The following SPMIP7 variants were observed in gnomAD, a reference collection of about 807,000 sequenced individuals.
SPMIP7 encodes protein SPMIP7.
the SPMIP7 span, among the ~76,000 whole-genome samples, chr7:50,155,890 C>T: frequency 9.9e-4 from 2 of 2,020 alleles, no homozygotes; most frequent in African/African-American, 2.2e-3. Context: ...TGGGACCCAT[C>T]GCCCTCTGAG....
the SPMIP7 span, among the ~76,000 whole-genome samples, chr7:50,106,909 T>A: frequency 6.6e-6 from 1 of 152,218 alleles, no homozygotes; most frequent in East Asian, 1.9e-4. Flanking sequence ...GAGACCAGTC[T>A]GGCCAACATA....
chr7:50,100,909 G>A, the SPMIP7 span, among the ~76,000 whole-genome samples: 1 of 151,754 alleles, frequency 6.6e-6, no homozygotes. Flanking sequence ...TTTCTTATCT[G>A]ATCCTTTGTT....
At chr7:50,127,694 A>T in the SPMIP7 span, among the ~76,000 whole-genome samples, 3 of 151,228 alleles carry the variant, frequency 2.0e-5, no homozygotes, top group Non-Finnish European at 4.4e-5. Context: ...ACATAAAAAT[A>T]GTCAACAGGT....
chr7:50,113,812 C>A, the SPMIP7 span, among the ~76,000 whole-genome samples: 1 of 151,552 alleles, frequency 6.6e-6, no homozygotes, highest in African/African-American at 2.4e-5. Flanking sequence ...TCTGAAGACA[C>A]AAGATGTTCA....
chr7:50,159,190 C>G, the SPMIP7 span: 2 of 1,547,220 alleles, frequency 1.3e-6, no homozygotes, highest in Non-Finnish European at 1.7e-6. Flanking sequence ...CCTGCGCGGG[C>G]TGTCCAGGCC....
the SPMIP7 span, among the ~76,000 whole-genome samples, chr7:50,144,427 C>A: frequency 6.6e-6 from 1 of 152,112 alleles, no homozygotes. Flanking sequence ...TTGAAATATG[C>A]ACTAGATATT....
chr7:50,141,450 C>G, the SPMIP7 span: 1 of 1,030,012 alleles, frequency 9.7e-7, no homozygotes, highest in African/African-American at 1.6e-5. Flanking sequence ...TGATGATGGA[C>G]TTTACCATAA....
At chr7:50,122,253 A>G in the SPMIP7 span, among the ~76,000 whole-genome samples, 1 of 152,146 alleles carries the variant, frequency 6.6e-6, no homozygotes, top group Non-Finnish European at 1.5e-5. Context: ...GCCCTCAGAA[A>G]TAACGCCGCA....
At chr7:50,135,022 G>C in the SPMIP7 span, among the ~76,000 whole-genome samples, 1 of 152,102 alleles carries the variant, frequency 6.6e-6, no homozygotes, top group African/African-American at 2.4e-5. Context: ...TCACCCCACA[G>C]TGTACTCTGT....
the SPMIP7 span, among the ~76,000 whole-genome samples, chr7:50,104,787 C>T: frequency 6.6e-6 from 1 of 152,152 alleles, no homozygotes; most frequent in Non-Finnish European, 1.5e-5. Flanking sequence ...CAGATTTTGG[C>T]CAGTGACTGA....
At chr7:50,114,296 A>G in the SPMIP7 span, among the ~76,000 whole-genome samples, 1 of 152,198 alleles carries the variant, frequency 6.6e-6, no homozygotes, top group Non-Finnish European at 1.5e-5. Context: ...CACTGTTTAA[A>G]GCAACAATAA....
At chr7:50,140,007 C>A in the SPMIP7 span, 2 of 624,428 alleles carry the variant, frequency 3.2e-6, no homozygotes, top group Non-Finnish European at 5.3e-6. Context: ...TGTTTAAAAT[C>A]ACAAACCTTT....
chr7:50,155,863 C>A, the SPMIP7 span, among the ~76,000 whole-genome samples: 1 of 148,024 alleles, frequency 6.8e-6, no homozygotes, highest in Non-Finnish European at 1.5e-5. Context: ...ACATACAGCT[C>A]TCATCCATGG....
chr7:50,125,267 T>TATATAC, the SPMIP7 span, among the ~76,000 whole-genome samples: 1 of 90,786 alleles, frequency 1.1e-5, no homozygotes, highest in African/African-American at 4.1e-5. Flanking sequence ...TATACACACA[T>TATATAC]ATATATACAC....
chr7:50,121,743 T>C, the SPMIP7 span, among the ~76,000 whole-genome samples: 2 of 152,208 alleles, frequency 1.3e-5, no homozygotes, highest in African/African-American at 4.8e-5. Flanking sequence ...AACCTCCGCC[T>C]CCCAGGTTCA....
chr7:50,154,031 C>A, the SPMIP7 span, among the ~76,000 whole-genome samples: 2 of 152,126 alleles, frequency 1.3e-5, no homozygotes, highest in Admixed American at 1.3e-4. Context: ...CAATGGCTTT[C>A]TAGGCTGATA....
the SPMIP7 span, among the ~76,000 whole-genome samples, chr7:50,130,011 A>C: frequency 2.6e-5 from 4 of 152,132 alleles, no homozygotes; most frequent in Admixed American, 2.6e-4. Flanking sequence ...ACAGAAAGTA[A>C]ATGGTCAAAG....
chr7:50,103,747 A>G, the SPMIP7 span, among the ~76,000 whole-genome samples: 2 of 152,116 alleles, frequency 1.3e-5, no homozygotes, highest in African/African-American at 2.4e-5. Context: ...ATTCTTAGGT[A>G]TCCTTCCTAT....
At chr7:50,096,251 T>A in the SPMIP7 span, 54 of 1,551,482 alleles carry the variant, frequency 3.5e-5, 3 homozygotes, top group South Asian at 5.5e-4. Flanking sequence ...CTATGGCAGG[T>A]TTGAAAAGAA....
Sources: allele counts gnomAD v4.1 joint callset (sites outside exome capture counted in the v4.1 genomes callset), GRCh38; gene constraint gnomAD v4.1.1; transcripts MANE v1.5; gene names NCBI Gene and HGNC (gene_info 2026-07-23, HGNC 2026-07-21).